STARD13: variants seen among roughly 807,000 people sequenced by gnomAD.
The protein encoded by STARD13 is stAR-related lipid transfer protein 13.
A neutral mutation model predicts 106.4 loss-of-function variants in STARD13; 62 were observed. That is an observed-to-expected ratio of 0.58 (90% CI 0.48 to 0.72). STARD13 has a LOEUF of 0.72. STARD13 is among the 30% of genes least tolerant of loss of function. STARD13 has a pLI of 0.00. For synonymous variants in STARD13, 565 were observed against 553.0 expected, an observed-to-expected ratio of 1.02 and a Z score of -0.31; for missense variants, 1,387 against 1,424.0, an observed-to-expected ratio of 0.97 and a Z score of 0.42.
At chr13:33,439,859 G>A in the STARD13 span, 1 of 379,182 alleles carries the variant, frequency 2.6e-6, no homozygotes, top group Non-Finnish European at 4.9e-6. Flanking sequence ...AATGCCAACT[G>A]AGGCATGAAG....
chr13:33,287,680 T>C (rs1055291024), upstream of STARD13, among the ~76,000 whole-genome samples: 21 of 152,188 alleles, frequency 1.4e-4, no homozygotes, highest in Admixed American at 1.2e-3. Flanking sequence ...TCCGCACCGG[T>C]GGCCGTCCAA....
At chr13:33,398,675 A>G in the STARD13 span, among the ~76,000 whole-genome samples, 2 of 152,234 alleles carry the variant, frequency 1.3e-5, no homozygotes, top group Non-Finnish European at 2.9e-5. Flanking sequence ...ATATGCAAAT[A>G]ATCAGTAAGC....
chr13:33,637,110 C>T, the STARD13 span, among the ~76,000 whole-genome samples: 3 of 152,058 alleles, frequency 2.0e-5, no homozygotes, highest in Non-Finnish European at 4.4e-5. Flanking sequence ...TCATGTAATC[C>T]CCACAGCAAA....
chr13:33,545,669 TAATG>T, the STARD13 span, among the ~76,000 whole-genome samples: 1 of 152,212 alleles, frequency 6.6e-6, no homozygotes, highest in Non-Finnish European at 1.5e-5. Context: ...CTCCTAGTGA[TAATG>T]AGTGAGTTTT....
the STARD13 span, among the ~76,000 whole-genome samples, chr13:33,648,069 A>G: frequency 6.6e-6 from 1 of 152,222 alleles, no homozygotes; most frequent in Admixed American, 6.5e-5. Context: ...CATATTTATA[A>G]GCTGAGTTTT....
chr13:33,649,668 T>C, the STARD13 span, among the ~76,000 whole-genome samples: 2 of 152,122 alleles, frequency 1.3e-5, no homozygotes. Flanking sequence ...TCAAAACACT[T>C]GATGTCAAAA....
At chr13:33,409,142 A>G in the STARD13 span, among the ~76,000 whole-genome samples, 1 of 152,200 alleles carries the variant, frequency 6.6e-6, no homozygotes, top group African/African-American at 2.4e-5. Context: ...TTTACACTGT[A>G]TGTATCTCCA....
rs189996072 is a variant in STARD13 at position 33,282,872 on chromosome 13, T to A, written c.169+2598A>T. ...TGAGACCCTGTCTCTATAAAAAAGT[T>A]TTAAAAATTAGCCAGGCATGGTGGC... On this transcript the variant is annotated intron_variant, in intron 1 of 13. Coordinates refer to ENST00000336934, the MANE Select transcript of STARD13 (RefSeq NM_178006.4). 2.2e-4 allele frequency among the ~76,000 whole-genome samples: 34 copies of A among 151,880 alleles called. No individual in the cohort carries two copies. In the Middle Eastern group the frequency reaches 0.01, roughly 46 times the overall value.
chr13:33,118,444 A>G (rs1875744773), intron 7 of STARD13, among the ~76,000 whole-genome samples, 181 bp from the exon 8 acceptor site: 1 of 152,234 alleles, frequency 6.6e-6, no homozygotes. Flanking sequence ...AAATGAAGAT[A>G]AGAATAAAAC....
chr13:33,187,678 A>T (rs898337312), intron 1 of STARD13, among the ~76,000 whole-genome samples: 2 of 152,090 alleles, frequency 1.3e-5, no homozygotes, highest in East Asian at 3.9e-4. Flanking sequence ...TAAAAGAAAA[A>T]AATTTATTTA....
intron 1 of STARD13, among the ~76,000 whole-genome samples, chr13:33,210,178 C>T (rs79609550): frequency 0.024 from 3,582 of 152,286 alleles, 67 homozygotes; most frequent in Non-Finnish European, 0.037. Flanking sequence ...TATTAAACAT[C>T]AGCTCTGCAG....
At chr13:33,627,969 C>CTTT in the STARD13 span, among the ~76,000 whole-genome samples, 1 of 143,358 alleles carries the variant, frequency 7.0e-6, no homozygotes, top group Non-Finnish European at 1.5e-5. Context: ...TTTTTTCTTT[C>CTTT]TTTTTTTTTT....
intron 13 of STARD13, 116 bp from the exon 14 acceptor site, chr13:33,105,826 T>A: frequency 3.6e-6 from 3 of 828,198 alleles, no homozygotes; most frequent in South Asian, 1.5e-5. Flanking sequence ...TGCAGACAGC[T>A]CGGGCTGCTG....
chr13:33,122,704 G>C (rs1006737440), intron 7 of STARD13, among the ~76,000 whole-genome samples: 13 of 152,016 alleles, frequency 8.6e-5, no homozygotes, highest in African/African-American at 3.1e-4. Flanking sequence ...GTGTCCCCTT[G>C]GTCTAGTTTT....
chr13:33,405,214 T>C, the STARD13 span, among the ~76,000 whole-genome samples: 14 of 152,236 alleles, frequency 9.2e-5, no homozygotes, highest in Non-Finnish European at 1.9e-4. Flanking sequence ...TAGGTTATCA[T>C]ATCCCTTGGG....
the STARD13 span, among the ~76,000 whole-genome samples, chr13:33,650,123 G>A: frequency 1.4e-5 from 2 of 143,836 alleles, no homozygotes; most frequent in African/African-American, 2.6e-5. Context: ...ATTTGGCGGT[G>A]GAGCCTATTT....
the STARD13 span, among the ~76,000 whole-genome samples, chr13:33,409,725 G>A: frequency 6.6e-6 from 1 of 152,166 alleles, no homozygotes; most frequent in Non-Finnish European, 1.5e-5. Context: ...AGTTAGCCTA[G>A]TACCTGCCTG....
rs1237096287 is a variant in STARD13 at position 33,223,052 on chromosome 13, C to A, written c.170-55430G>T. 2.6e-5 allele frequency among the ~76,000 whole-genome samples: 4 copies of A among 152,326 alleles called. No homozygotes were observed. In the South Asian group the frequency reaches 6.2e-4, roughly 24 times the overall value. On this transcript the variant is annotated intron_variant, in intron 1 of 13. Transcript: ENST00000336934. ...GCTACTCAGGATCACTGAAGAATTT[C>A]ATTTCTGAAAACAGACCACCTGTTA...
chr13:33,446,302 T>C, the STARD13 span, among the ~76,000 whole-genome samples: 12 of 152,096 alleles, frequency 7.9e-5, no homozygotes, highest in Admixed American at 7.9e-4. Context: ...TGTCTAATTA[T>C]CAAAGCTATT....
Sources: gnomAD v4.1 joint callset for allele counts (sites outside exome capture counted in the v4.1 genomes callset) on GRCh38, gnomAD v4.1.1 for gene constraint, MANE v1.5 for transcripts, NCBI Gene and HGNC (gene_info 2026-07-23, HGNC 2026-07-21) for gene names.